KSR2: variants seen among roughly 807,000 people sequenced by gnomAD.
The protein encoded by KSR2 is kinase suppressor of ras 2.
In KSR2, 25 loss-of-function variants were observed where a neutral mutation model predicts 107.8. The ratio of observed to expected loss-of-function variants is 0.23; its 90% CI spans 0.17 to 0.32. The LOEUF (loss-of-function observed/expected upper bound fraction) is 0.32, where lower values mean the gene tolerates loss of function less well. KSR2 is among the 10% of genes least tolerant of loss of function. KSR2 has a pLI of 1.00. For missense variants in KSR2, 887 were observed against 1,268.9 expected (o/e 0.70, Z 4.57); for synonymous variants, 480 against 507.0 (o/e 0.95, Z 0.71).
At chr12:117,656,978 TAGG>T (rs1272805724) in intron 5 of KSR2, among the ~76,000 whole-genome samples, 16 of 60,788 alleles carry the variant, frequency 2.6e-4, no homozygotes, top group African/African-American at 2.8e-4. Context: ...ATATATATAA[TAGG>T]ATATATATAT....
At chr12:117,572,104 T>C (rs1778659337) in intron 7 of KSR2, among the ~76,000 whole-genome samples, 1 of 152,108 alleles carries the variant, frequency 6.6e-6, no homozygotes, top group African/African-American at 2.4e-5. Flanking sequence ...GTGCAAACAA[T>C]TGCAAAATAT....
At chr12:117,892,136 T>C (rs1369854986) in intron 1 of KSR2, among the ~76,000 whole-genome samples, 3 of 151,822 alleles carry the variant, frequency 2.0e-5, no homozygotes, top group South Asian at 2.1e-4. Context: ...CCGTCTCTAC[T>C]AAAAATACAA....
intron 4 of KSR2, among the ~76,000 whole-genome samples, chr12:117,722,481 T>G (rs757710994): frequency 6.6e-6 from 1 of 152,194 alleles, no homozygotes; most frequent in Admixed American, 6.5e-5. Flanking sequence ...AGTAAACAAG[T>G]TGGCCAAAAC....
intron 5 of KSR2, among the ~76,000 whole-genome samples, chr12:117,607,353 G>C (rs2136307096): frequency 6.6e-6 from 1 of 152,322 alleles, no homozygotes; most frequent in South Asian, 2.1e-4. Context: ...TATGGGGAAA[G>C]AGACATAGCT....
intron 1 of KSR2, among the ~76,000 whole-genome samples, chr12:117,913,176 T>A (rs1895074493): frequency 6.6e-6 from 1 of 151,934 alleles, no homozygotes; most frequent in African/African-American, 2.4e-5. Context: ...AGAAGAGAAA[T>A]CTCCTGGGAT....
intron 3 of KSR2, among the ~76,000 whole-genome samples, chr12:117,833,423 C>T (rs1415625831): frequency 6.6e-6 from 1 of 152,120 alleles, no homozygotes; most frequent in African/African-American, 2.4e-5. Flanking sequence ...AGTGCAGTGG[C>T]ATGATCATAG....
At chr12:117,819,020 C>T (rs1891472327) in intron 3 of KSR2, among the ~76,000 whole-genome samples, 1 of 152,062 alleles carries the variant, frequency 6.6e-6, no homozygotes, top group African/African-American at 2.4e-5. Context: ...TTTTCCAGAG[C>T]ATTGCTCACC....
rs376016037 is a variant in KSR2 at position 117,574,339 on chromosome 12, AG to A, written c.1325+4779del. ...TGTTTCTCAAACTTTAATGTGCAAAAGAATCACTAGGACTGTATCAGCCTGC... is the reference window on the plus strand; with the variant it reads ...TGTTTCTCAAACTTTAATGTGCAAAAAATCACTAGGACTGTATCAGCCTGC... On this transcript the variant is annotated intron_variant, in intron 7 of 19. Coordinates refer to ENST00000339824, the MANE Select transcript of KSR2 (RefSeq NM_173598.6). 3.5e-4 allele frequency among the ~76,000 whole-genome samples: 53 copies of A among 152,308 alleles called. 1 individual carries two copies. In the East Asian group the frequency reaches 7.7e-3, roughly 22 times the overall value.
At chr12:117,848,079 C>T (rs944013998) in intron 3 of KSR2, among the ~76,000 whole-genome samples, 26 of 152,330 alleles carry the variant, frequency 1.7e-4, no homozygotes, top group Admixed American at 4.6e-4. Context: ...ATCCACAACA[C>T]AGATCTTCTA....
chr12:117,784,193 T>C (rs1889981395), intron 3 of KSR2, among the ~76,000 whole-genome samples: 1 of 152,140 alleles, frequency 6.6e-6, no homozygotes, highest in African/African-American at 2.4e-5. Context: ...TCACCTTGAA[T>C]TGTCATAATC....
At chr12:117,844,507 T>C (rs1294963431) in intron 3 of KSR2, among the ~76,000 whole-genome samples, 1 of 151,814 alleles carries the variant, frequency 6.6e-6, no homozygotes, top group Non-Finnish European at 1.5e-5. Context: ...ACTCACAAGT[T>C]TTTTAAAAAG....
intron 4 of KSR2, among the ~76,000 whole-genome samples, chr12:117,720,707 A>G (rs927933797): frequency 5.9e-5 from 9 of 152,234 alleles, no homozygotes; most frequent in African/African-American, 2.2e-4. Context: ...GATAAATGCT[A>G]TGAAAGAAAG....
intron 4 of KSR2, among the ~76,000 whole-genome samples, chr12:117,712,480 C>T (rs1886822645): frequency 6.6e-6 from 1 of 152,168 alleles, no homozygotes; most frequent in Non-Finnish European, 1.5e-5. Flanking sequence ...TCTTCCCTGC[C>T]CAGATGCCCA....
intron 4 of KSR2, among the ~76,000 whole-genome samples, chr12:117,759,174 T>C (rs756157493): frequency 6.6e-6 from 1 of 152,230 alleles, no homozygotes; most frequent in Non-Finnish European, 1.5e-5. Flanking sequence ...CTGTAGGGCA[T>C]TCCCAATGCT....
At chr12:117,644,301 C>G (rs1373536602) in intron 5 of KSR2, among the ~76,000 whole-genome samples, 1 of 152,208 alleles carries the variant, frequency 6.6e-6, no homozygotes, top group Admixed American at 6.5e-5. Flanking sequence ...GTTTTTATTT[C>G]TAGGGCTTGG....
intron 5 of KSR2, among the ~76,000 whole-genome samples, chr12:117,587,330 G>A (rs1189742728): frequency 6.6e-6 from 1 of 152,046 alleles, no homozygotes; most frequent in African/African-American, 2.4e-5. Context: ...GAGGGAGGAG[G>A]GTGAGAGTCA....
At chr12:117,538,796 C>G (rs1174333141) in intron 10 of KSR2, among the ~76,000 whole-genome samples, 1 of 152,132 alleles carries the variant, frequency 6.6e-6, no homozygotes, top group Non-Finnish European at 1.5e-5. Flanking sequence ...CCATGTTGAA[C>G]AAAACAGATG....
chr12:117,702,155 A>T (rs1886353671), intron 4 of KSR2, among the ~76,000 whole-genome samples: 1 of 152,064 alleles, frequency 6.6e-6, no homozygotes, highest in South Asian at 2.1e-4. Flanking sequence ...AGTTTCTTCC[A>T]CACTTCAGAC....
intron 5 of KSR2, among the ~76,000 whole-genome samples, chr12:117,620,454 T>C (rs1427244061): frequency 2.0e-5 from 3 of 152,188 alleles, no homozygotes; most frequent in Admixed American, 6.5e-5. Context: ...AGTTGATGTT[T>C]GCTTAGGGAC....
Sources: gnomAD v4.1 joint callset for allele counts (sites outside exome capture counted in the v4.1 genomes callset) on GRCh38, gnomAD v4.1.1 for gene constraint, MANE v1.5 for transcripts, NCBI Gene and HGNC (gene_info 2026-07-23, HGNC 2026-07-21) for gene names.